XXYLT1: variants seen among roughly 807,000 people sequenced by gnomAD.
XXYLT1 encodes the protein xyloside xylosyltransferase 1.
Under a neutral mutation model 28.9 loss-of-function variants are expected in XXYLT1, and 20 were observed. That is an observed-to-expected ratio of 0.69 (90% CI 0.49 to 1.00). The LOEUF (loss-of-function observed/expected upper bound fraction) is 1.00. XXYLT1 is among the 50% of genes least tolerant of loss of function. The pLI is 0.00. For synonymous variants in XXYLT1, 257 were observed against 253.8 expected, an observed-to-expected ratio of 1.01 and a Z score of -0.12; for missense variants, 542 against 560.1, an observed-to-expected ratio of 0.97 and a Z score of 0.33.
At chr3:195,137,385 T>C (rs1056632700) in intron 3 of XXYLT1, among the ~76,000 whole-genome samples, 2 of 152,230 alleles carry the variant, frequency 1.3e-5, no homozygotes, top group Non-Finnish European at 2.9e-5. Flanking sequence ...TTCTGCACCT[T>C]TGCCATTGGG....
chr3:195,169,753 C>T (rs1381392551), intron 2 of XXYLT1, among the ~76,000 whole-genome samples: 2 of 151,798 alleles, frequency 1.3e-5, no homozygotes, highest in East Asian at 3.8e-4. Flanking sequence ...TTTGTAATCA[C>T]AGGGATAAAT....
At chr3:195,177,861 G>A (rs939425485) in intron 2 of XXYLT1, among the ~76,000 whole-genome samples, 3 of 151,438 alleles carry the variant, frequency 2.0e-5, no homozygotes, top group Admixed American at 2.0e-4. Context: ...CTTGAGTCCA[G>A]GAGTTGGAAG....
intron 1 of XXYLT1, among the ~76,000 whole-genome samples, chr3:195,251,011 C>G (rs1303184297): frequency 2.6e-5 from 4 of 152,222 alleles, no homozygotes; most frequent in Admixed American, 2.6e-4. Flanking sequence ...AAGGACCAAC[C>G]TAGGCTTCCC....
chr3:195,116,978 C>T (rs376897597), intron 3 of XXYLT1, among the ~76,000 whole-genome samples: 6 of 152,136 alleles, frequency 3.9e-5, no homozygotes, highest in African/African-American at 7.2e-5. Flanking sequence ...TCAGCCCAGC[C>T]AGCACAAACA....
intron 3 of XXYLT1, among the ~76,000 whole-genome samples, chr3:195,148,662 G>A (rs10933699): frequency 0.23 from 35,439 of 152,022 alleles, 4,728 homozygotes; most frequent in East Asian, 0.57. Context: ...TGACGGTCAC[G>A]CTAACATCCT....
Position 195,180,330 on chromosome 3 carries a change from G to A in XXYLT1, c.653-23749C>T. ...GACCCAACTCATGAGGGCCCAGAAG[G>A]AAGGAGCCACAAAGGTCTGGATGGT... On this transcript the variant is annotated intron_variant, in intron 2 of 3. Coordinates refer to ENST00000310380, the MANE Select transcript of XXYLT1 (RefSeq NM_152531.5). This position sits in a 1 kb window ranked among gnomAD's most constrained non-coding sequence, Gnocchi z 5.8. The A allele has an allele frequency of 1.0e-6, 1 of 985,448 alleles. No individual in the cohort carries two copies. 61.0% of individuals were successfully genotyped at this position (985,448 alleles called of 1,614,324 possible).
Position 195,255,071 on chromosome 3 carries a change from T to C in XXYLT1, c.504+15484A>G, listed in dbSNP as rs1725427260. On this transcript the variant is annotated intron_variant, in intron 1 of 3. Transcript: ENST00000310380. The surrounding 1 kb of genome is among the most constrained non-coding windows in gnomAD (Gnocchi z 4.5). ...TCCCCAACTGCCCCAGGCTGGGAAA[T>C]TCACCAGCACTGCGGACAGAGCAGG... 6.6e-6 allele frequency among the ~76,000 whole-genome samples: 1 copy of C among 152,086 alleles called. No individual in the cohort carries two copies. Among genetic ancestry groups the C allele is most frequent in the Admixed American group, 6.6e-5 (1 of 15,264 alleles).
intron 3 of XXYLT1, among the ~76,000 whole-genome samples, chr3:195,144,622 C>A (rs1047032136): frequency 6.6e-6 from 1 of 151,678 alleles, no homozygotes; most frequent in African/African-American, 2.4e-5. Context: ...GTGATCCGCC[C>A]GCCTCAGCCT....
At position 195,168,167 on chromosome 3, in the gene XXYLT1, C is replaced by T. The variant is rs1721222450; in HGVS notation, c.653-11586G>A. 6.6e-6 allele frequency among the ~76,000 whole-genome samples: 1 copy of T among 152,198 alleles called. No homozygotes were observed. The highest frequency in any genetic ancestry group is 2.4e-5 in the African/African-American group (1 of 41,432). ...TGCGTCCAACCATGGGCAAGCCATC[C>T]CCAGCTGTCGCAGACTGTAAGGATG... On this transcript the variant is annotated intron_variant, in intron 2 of 3. Coordinates refer to ENST00000310380, the MANE Select transcript of XXYLT1 (RefSeq NM_152531.5). The surrounding 1 kb of genome is among the most constrained non-coding windows in gnomAD (Gnocchi z 4.3).
chr3:195,204,172 A>G (rs1392591553), intron 2 of XXYLT1, among the ~76,000 whole-genome samples: 1 of 151,892 alleles, frequency 6.6e-6, no homozygotes, highest in Admixed American at 6.6e-5. Flanking sequence ...ATGAAACCCC[A>G]TCTCTACTAA....
intron 1 of XXYLT1, among the ~76,000 whole-genome samples, chr3:195,245,761 G>A (rs575175668): frequency 6.2e-4 from 94 of 152,256 alleles, no homozygotes; most frequent in African/African-American, 1.9e-3. Context: ...GTTAGCTCTC[G>A]CTCAGGCGGT....
At chr3:195,243,381 G>A (rs968192955) in intron 1 of XXYLT1, among the ~76,000 whole-genome samples, 2 of 150,686 alleles carry the variant, frequency 1.3e-5, no homozygotes, top group African/African-American at 2.4e-5. Flanking sequence ...GAGATGGTTC[G>A]GGGGTTGTTT....
chr3:195,178,913 TAAGA>T (rs1313826817), intron 2 of XXYLT1, among the ~76,000 whole-genome samples: 2 of 152,298 alleles, frequency 1.3e-5, no homozygotes, highest in Non-Finnish European at 2.9e-5. Context: ...TTGGAAAACA[TAAGA>T]AAGAGTTTTC....
At chr3:195,159,743 G>A (rs1444793598) in intron 2 of XXYLT1, among the ~76,000 whole-genome samples, 1 of 152,170 alleles carries the variant, frequency 6.6e-6, no homozygotes, top group Non-Finnish European at 1.5e-5. Context: ...GCCTGGGTTT[G>A]AGGCCTGGCT....
At chr3:195,099,603 G>A (rs942627541) in intron 3 of XXYLT1, among the ~76,000 whole-genome samples, 1 of 152,118 alleles carries the variant, frequency 6.6e-6, no homozygotes, top group African/African-American at 2.4e-5. Flanking sequence ...GGCCGAGGCG[G>A]GTGGATTACG....
chr3:195,253,503 CTTTTTT>C (rs1231480044), intron 1 of XXYLT1, among the ~76,000 whole-genome samples: 2 of 130,238 alleles, frequency 1.5e-5, no homozygotes, highest in African/African-American at 5.9e-5. Context: ...CTTTTTTTTT[CTTTTTT>C]TTTTTTTTTT....
At chr3:195,127,112 T>A (rs75539660) in intron 3 of XXYLT1, among the ~76,000 whole-genome samples, 2,931 of 152,264 alleles carry the variant, frequency 0.019, 100 homozygotes, top group African/African-American at 0.067. Flanking sequence ...GGGGTGGGCA[T>A]CTGCGTTCTA....
intron 2 of XXYLT1, among the ~76,000 whole-genome samples, chr3:195,159,592 G>C (rs568979659): frequency 1.3e-5 from 2 of 152,318 alleles, no homozygotes; most frequent in South Asian, 2.1e-4. Context: ...ATGAAGACAA[G>C]TGAGTACAAG....
intron 1 of XXYLT1, among the ~76,000 whole-genome samples, chr3:195,243,066 T>C (rs1724847837): frequency 6.6e-6 from 1 of 152,088 alleles, no homozygotes; most frequent in African/African-American, 2.4e-5. Flanking sequence ...TGTAGGGACA[T>C]GGATGACACT....
Sources: gnomAD v4.1 joint callset for allele counts (sites outside exome capture counted in the v4.1 genomes callset) on GRCh38, gnomAD v4.1.1 for gene constraint, Gnocchi (gnomAD v3.1) non-coding constraint, MANE v1.5 for transcripts, NCBI Gene and HGNC (gene_info 2026-07-23, HGNC 2026-07-21) for gene names.